ARB2A: variants seen among roughly 807,000 people sequenced by gnomAD.
The protein encoded by ARB2A is cotranscriptional regulator ARB2A.
the ARB2A span, among the ~76,000 whole-genome samples, chr5:93,810,194 C>T: frequency 3.4e-5 from 5 of 147,888 alleles, no homozygotes; most frequent in Non-Finnish European, 7.5e-5. Flanking sequence ...GTGTAGGTTT[C>T]GTTTTTTTTT....
chr5:93,630,665 G>A, the ARB2A span, among the ~76,000 whole-genome samples: 5 of 152,120 alleles, frequency 3.3e-5, no homozygotes, highest in Non-Finnish European at 5.9e-5. Flanking sequence ...CAGGGAAGAC[G>A]GGTGCGGGGC....
chr5:93,683,299 T>C, the ARB2A span: 4 of 1,604,380 alleles, frequency 2.5e-6, no homozygotes, highest in East Asian at 8.9e-5. Context: ...CAGACCGCTT[T>C]CCAGATATAC....
At chr5:93,965,377 T>A in the ARB2A span, among the ~76,000 whole-genome samples, 1 of 151,992 alleles carries the variant, frequency 6.6e-6, no homozygotes, top group East Asian at 1.9e-4. Flanking sequence ...GCAACCCTTA[T>A]AAGCAGTAAA....
the ARB2A span, among the ~76,000 whole-genome samples, chr5:93,963,082 T>C: frequency 1.3e-5 from 2 of 152,016 alleles, no homozygotes; most frequent in African/African-American, 4.8e-5. Context: ...ATTAACCTAA[T>C]GCTCTTTAAA....
chr5:93,861,765 T>C, the ARB2A span: 1 of 152,244 alleles, frequency 6.6e-6, no homozygotes, highest in African/African-American at 2.4e-5. Context: ...ATCAACGCTA[T>C]ATTTAGTCAC....
chr5:94,100,736 T>C, the ARB2A span, among the ~76,000 whole-genome samples: 2 of 152,210 alleles, frequency 1.3e-5, no homozygotes, highest in Non-Finnish European at 2.9e-5. Context: ...GCAAGCCATA[T>C]GCAGAAGACT....
chr5:93,739,076 G>A, the ARB2A span: 2 of 152,180 alleles, frequency 1.3e-5, no homozygotes, highest in Non-Finnish European at 2.9e-5. Context: ...CAGAAGATCA[G>A]AGTTAACTCT....
the ARB2A span, chr5:93,737,682 C>T: frequency 4.3e-6 from 1 of 231,428 alleles, no homozygotes; most frequent in Non-Finnish European, 8.7e-6. Context: ...GAAATAATCC[C>T]TCACATGTGT....
At chr5:93,844,874 C>T in the ARB2A span, among the ~76,000 whole-genome samples, 1 of 152,194 alleles carries the variant, frequency 6.6e-6, no homozygotes, top group Non-Finnish European at 1.5e-5. Context: ...CTTTTCCTAA[C>T]CACATACTGT....
At chr5:93,731,905 G>A in the ARB2A span, among the ~76,000 whole-genome samples, 1 of 152,176 alleles carries the variant, frequency 6.6e-6, no homozygotes, top group Non-Finnish European at 1.5e-5. Context: ...ACAGTCTTTG[G>A]CAATAGAAGA....
chr5:93,853,277 AG>A, the ARB2A span, among the ~76,000 whole-genome samples: 1 of 152,132 alleles, frequency 6.6e-6, no homozygotes, highest in Non-Finnish European at 1.5e-5. Context: ...TTGGTGTATA[AG>A]AATGTTTGTG....
At chr5:94,072,924 G>T in the ARB2A span, among the ~76,000 whole-genome samples, 1 of 151,980 alleles carries the variant, frequency 6.6e-6, no homozygotes, top group Non-Finnish European at 1.5e-5. Context: ...AGCATGCACT[G>T]CTTTAACCCC....
chr5:93,843,365 T>C, the ARB2A span, among the ~76,000 whole-genome samples: 1 of 151,778 alleles, frequency 6.6e-6, no homozygotes. Context: ...AAAAACACTT[T>C]CATTATTATC....
At chr5:93,813,779 T>C in the ARB2A span, among the ~76,000 whole-genome samples, 1 of 152,180 alleles carries the variant, frequency 6.6e-6, no homozygotes, top group Non-Finnish European at 1.5e-5. Context: ...CCACATACTC[T>C]ATAATATTTT....
At chr5:93,846,955 A>C in the ARB2A span, among the ~76,000 whole-genome samples, 2 of 152,196 alleles carry the variant, frequency 1.3e-5, no homozygotes, top group Non-Finnish European at 2.9e-5. Flanking sequence ...CCATTGTTTG[A>C]TCGCATTTTA....
the ARB2A span, among the ~76,000 whole-genome samples, chr5:93,628,706 C>G: frequency 6.6e-6 from 1 of 152,168 alleles, no homozygotes; most frequent in Admixed American, 6.5e-5. Flanking sequence ...CATGAACCAA[C>G]CTCTTCTGAA....
the ARB2A span, among the ~76,000 whole-genome samples, chr5:93,857,327 G>A: frequency 5.3e-5 from 8 of 152,292 alleles, no homozygotes; most frequent in East Asian, 1.4e-3. Context: ...GTCAGACGGG[G>A]ACATTTAAGT....
At chr5:93,780,513 T>C in the ARB2A span, among the ~76,000 whole-genome samples, 1 of 82,820 alleles carries the variant, frequency 1.2e-5, no homozygotes, top group East Asian at 2.9e-4. Context: ...GACCTTTCTT[T>C]CTCTTTCTCT....
At chr5:93,865,759 A>C in the ARB2A span, 1 of 985,398 alleles carries the variant, frequency 1.0e-6, no homozygotes, top group African/African-American at 1.7e-5. Context: ...TAAAGGAACA[A>C]AACTGACTAT....
Sources: allele counts gnomAD v4.1 joint callset (sites outside exome capture counted in the v4.1 genomes callset), GRCh38; gene constraint gnomAD v4.1.1; transcripts MANE v1.5; gene names NCBI Gene and HGNC (gene_info 2026-07-23, HGNC 2026-07-21).